Variants in BMPR2 observed in about 807,000 individuals in gnomAD.
BMPR2 encodes the protein bone morphogenetic protein receptor type 2.
A neutral mutation model predicts 100.8 loss-of-function variants in BMPR2; 29 were observed. That is an observed-to-expected ratio of 0.29 (90% confidence interval 0.21 to 0.39). BMPR2 has a LOEUF of 0.39. Ranked by LOEUF, BMPR2 falls within the 10% of genes least tolerant of loss-of-function variation. BMPR2 has a pLI of 1.00. For synonymous variants in BMPR2, 382 were observed against 442.3 expected (o/e 0.86, Z 1.71); for missense variants, 1,011 against 1,274.5 (o/e 0.79, Z 3.15).
intron 1 of BMPR2, among the ~76,000 whole-genome samples, chr2:202,423,750 T>C (rs1691321584): frequency 1.3e-5 from 2 of 151,866 alleles, no homozygotes; most frequent in South Asian, 4.1e-4. Flanking sequence ...TAAGACCTCC[T>C]CTCTAAAAGA....
rs1687528886 is a variant in BMPR2, at chr2:202,506,881, CAA to C, written c.419-6837_419-6836del. ...CGCCACTGCTCTCCAGCCTGGGTGA[CAA>C]GAGCGAAACTCTGTCTCAAAAAACA... On this transcript the variant is annotated intron_variant, in intron 3 of 12. Transcript: ENST00000374580. Among the ~76,000 whole-genome samples, 4 of 151,476 alleles carry C rather than the reference CAA, an allele frequency of 2.6e-5. No individual in the cohort carries two copies. In the South Asian group the frequency reaches 8.4e-4, roughly 32 times the overall value.
At position 202,391,365 on chromosome 2, in the gene BMPR2, A is replaced by G. The variant is rs796767988; in HGVS notation, c.76+13815A>G. Among the ~76,000 whole-genome samples, 55 of 147,110 alleles carry G rather than the reference A, an allele frequency of 3.7e-4. 1 individual carries two copies. The highest frequency in any genetic ancestry group is 1.4e-3 in the African/African-American group (55 of 39,784). ...GCCACCCAGGCTGGAGTGCAGTGGT[A>G]TGATCACAGTTCACTGTAACCTCAA... On this transcript the variant is annotated intron_variant, in intron 1 of 12. Coordinates refer to ENST00000374580, the MANE Select transcript of BMPR2 (RefSeq NM_001204.7).
chr2:202,553,996 A>G (rs1688523390), intron 11 of BMPR2, among the ~76,000 whole-genome samples: 2 of 152,112 alleles, frequency 1.3e-5, no homozygotes, highest in African/African-American at 4.8e-5. Flanking sequence ...TGCCCGGCCT[A>G]TTTTCTGTTC....
intron 11 of BMPR2, among the ~76,000 whole-genome samples, chr2:202,553,608 A>G (rs1465975144): frequency 6.6e-6 from 1 of 152,158 alleles, no homozygotes; most frequent in African/African-American, 2.4e-5. Context: ...GGCATCCAGG[A>G]AAGGGTTACT....
chr2:202,555,305 C>T lies in BMPR2; in HGVS notation c.1640C>T (p.Ser547Phe). 1 of 1,614,152 alleles carries T rather than the reference C, an allele frequency of 6.2e-7. No homozygotes were observed. ...VPKIGPYPDYSSSSYIEDSIH... is the reference protein window; with the variant it reads ...VPKIGPYPDYFSSSYIEDSIH... ...AAAATTGGTCCTTATCCAGATTATT[C>T]TTCCTCCTCATACATTGAAGACTCT... The change falls in exon 12 of 13, where the codon TCT becomes TTT. Residue 547 changes from serine to phenylalanine, a missense_variant. Transcript: ENST00000374580.
chr2:202,395,088 T>C (rs1347883502), intron 1 of BMPR2, among the ~76,000 whole-genome samples: 2 of 151,640 alleles, frequency 1.3e-5, no homozygotes, highest in African/African-American at 4.8e-5. Context: ...TTCACCATAT[T>C]GGCCAGGCTG....
intron 1 of BMPR2, among the ~76,000 whole-genome samples, chr2:202,417,736 T>G (rs1326620037): frequency 1.3e-5 from 2 of 151,852 alleles, no homozygotes; most frequent in African/African-American, 2.4e-5. Context: ...TTTTCTTTTT[T>G]GAGACAGCGT....
rs374634008 is a variant in BMPR2, at chr2:202,416,673, C to T, written c.76+39123C>T. ...TGTCTTGACCTCGTGATCCGCCCGC[C>T]TCAGCCTCCCTAAATGCTGGCATTA... On this transcript the variant is annotated intron_variant, in intron 1 of 12. Transcript: ENST00000374580. Among the ~76,000 whole-genome samples, 5 of 152,042 alleles carry T rather than the reference C, an allele frequency of 3.3e-5. No individual in the cohort carries two copies. The South Asian group carries it at 1.0e-3, about 32-fold the overall frequency.
chr2:202,520,156 G>A lies in BMPR2; in HGVS notation c.922G>A (p.Val308Ile). ...WVSSCRLAHS[V>I]TRGLAYLHTE... Reference sequence around the variant, plus strand: ...AAGCTCTTGCCGTCTTGCTCATTCTGTTACTAGAGGACTGGCTTATCTTCA... The same window carrying A: ...AAGCTCTTGCCGTCTTGCTCATTCTATTACTAGAGGACTGGCTTATCTTCA... The change falls in exon 7 of 13, where the codon GTT (valine) becomes ATT (isoleucine). Residue 308 changes from valine (V) to isoleucine (I), a missense_variant. Val to Ile is a conservative substitution (Grantham distance 29, BLOSUM62 3). Coordinates refer to ENST00000374580, the MANE Select transcript of BMPR2 (RefSeq NM_001204.7). 2 of 1,612,166 alleles carry A rather than the reference G, an allele frequency of 1.2e-6. No individual in the cohort carries two copies. Among genetic ancestry groups the A allele is most frequent in the East Asian group, 2.2e-5 (1 of 44,804 alleles).
chr2:202,448,309 G>A (rs185318455), intron 1 of BMPR2, among the ~76,000 whole-genome samples: 15,715 of 150,516 alleles, frequency 0.1, 1,038 homozygotes, highest in Non-Finnish European at 0.15. Context: ...AAATTAGCCG[G>A]GCATGGTGGC....
intron 1 of BMPR2, among the ~76,000 whole-genome samples, chr2:202,385,833 A>G (rs1690416922): frequency 1.3e-5 from 2 of 151,952 alleles, no homozygotes; most frequent in African/African-American, 2.4e-5. Flanking sequence ...TATTTACTTA[A>G]TTCATATTGG....
At chr2:202,516,545 G>A (rs550470303) in intron 5 of BMPR2, among the ~76,000 whole-genome samples, 3 of 152,222 alleles carry the variant, frequency 2.0e-5, no homozygotes, top group Non-Finnish European at 4.4e-5. Context: ...GGGTGTGGTG[G>A]CACATGCCTG....
At chr2:202,407,642 G>T (rs1023780597) in intron 1 of BMPR2, among the ~76,000 whole-genome samples, 7 of 151,372 alleles carry the variant, frequency 4.6e-5, no homozygotes, top group Non-Finnish European at 7.4e-5. Context: ...GGTGGCGGGC[G>T]CCTGTAGTCC....
intron 3 of BMPR2, among the ~76,000 whole-genome samples, chr2:202,474,544 G>A (rs1692501791): frequency 6.6e-6 from 1 of 151,964 alleles, no homozygotes; most frequent in Non-Finnish European, 1.5e-5. Flanking sequence ...TTTTTGAGGC[G>A]GAGTCTCGCT....
At chr2:202,425,744 G>T (rs1018414587) in intron 1 of BMPR2, among the ~76,000 whole-genome samples, 1 of 152,048 alleles carries the variant, frequency 6.6e-6, no homozygotes, top group Non-Finnish European at 1.5e-5. Flanking sequence ...AAAATTTAAA[G>T]CTTTTAGAAG....
chr2:202,471,079 A>G (rs1692428641), intron 3 of BMPR2, among the ~76,000 whole-genome samples: 1 of 152,196 alleles, frequency 6.6e-6, no homozygotes, highest in Non-Finnish European at 1.5e-5. Context: ...AAGCAAAAAA[A>G]GGAAGGAAAA....
chr2:202,524,918 G>A (rs1013625803), intron 7 of BMPR2, among the ~76,000 whole-genome samples: 1 of 151,942 alleles, frequency 6.6e-6, no homozygotes, highest in Non-Finnish European at 1.5e-5. Flanking sequence ...GCAGGTGCCT[G>A]TAATCCCAGG....
chr2:202,513,881 A>G lies in BMPR2; in HGVS notation c.529+52A>G, dbSNP rs753658098. The G allele has an allele frequency of 8.0e-6, 11 of 1,370,346 alleles. No individual in the cohort carries two copies. The African/African-American group carries it at 1.6e-4, about 20-fold the overall frequency. The allele number at this position is 1,370,346 out of a possible 1,614,324, so 84.9% of individuals were successfully genotyped here. On this transcript the variant is annotated intron_variant, in intron 4 of 12. Coordinates refer to ENST00000374580, the MANE Select transcript of BMPR2 (RefSeq NM_001204.7). The stretch of plus-strand genomic sequence containing the variant: ...TGTTTATTAAACATGCAATTTAATC[A>G]ATTTATTTGCTCCTTTTAAATTCCG...
chr2:202,424,091 AG>A (rs1256612130), intron 1 of BMPR2, among the ~76,000 whole-genome samples: 5 of 146,638 alleles, frequency 3.4e-5, no homozygotes, highest in African/African-American at 1.3e-4. Context: ...AAAAAAAAAA[AG>A]GCCAGGCACA....
Sources: gnomAD v4.1 joint callset for allele counts (sites outside exome capture counted in the v4.1 genomes callset) on GRCh38, gnomAD v4.1.1 for gene constraint, MANE v1.5 for transcripts, NCBI Gene and HGNC (gene_info 2026-07-23, HGNC 2026-07-21) for gene names.